HUWE1: variants seen among roughly 807,000 people sequenced by gnomAD.
HUWE1 encodes the protein HECT, UBA and WWE domain containing E3 ubiquitin protein ligase 1.
A neutral mutation model predicts 299.4 loss-of-function variants in HUWE1; 18 were observed. The ratio of observed to expected loss-of-function variants is 0.06; its 90% CI spans 0.04 to 0.09. The LOEUF (loss-of-function observed/expected upper bound fraction) is 0.09, where lower values mean the gene tolerates loss of function less well. HUWE1 is among the 10% of genes least tolerant of loss of function. HUWE1 has a pLI of 1.00. For synonymous variants in HUWE1, 1,317 were observed against 1,286.1 expected (o/e 1.02, Z -0.51); for missense variants, 1,832 against 3,462.3 (o/e 0.53, Z 11.82).
rs375537248 is a variant in HUWE1, at chrX:53,583,912, G to A, written c.5166C>T (p.Thr1722=). 5 of 1,178,699 alleles carry A rather than the reference G, an allele frequency of 4.2e-6. No individual in the cohort carries two copies. Among genetic ancestry groups the A allele is most frequent in the Non-Finnish European group, 5.8e-6 (5 of 867,476 alleles). ...TGTTTGTACTCTCTAGGGCCAAAGGGGTATCTATAAAATGGGAAAATAACA... is the reference window on the plus strand; with the variant it reads ...TGTTTGTACTCTCTAGGGCCAAAGGAGTATCTATAAAATGGGAAAATAACA... ...IKRKENKGND[T]PLALESTNTE... The change falls in exon 42 of 84, where the codon ACC becomes ACT. Residue 1722 remains threonine (T), a synonymous_variant. Coordinates refer to ENST00000262854, the MANE Select transcript of HUWE1 (RefSeq NM_031407.7).
chrX:53,664,963 TA>T lies in HUWE1; in HGVS notation c.-24-10833del, dbSNP rs2069176240. Among the ~76,000 whole-genome samples, 2 of 112,006 alleles carry T rather than the reference TA, an allele frequency of 1.8e-5. 1 individual carries two copies. The highest frequency in any genetic ancestry group is 6.5e-5 in the African/African-American group (2 of 30,769). On this transcript the variant is annotated intron_variant, in intron 3 of 83. Coordinates refer to ENST00000262854, the MANE Select transcript of HUWE1 (RefSeq NM_031407.7). ...ATATTGTGAAAAACATTTATGATCA[TA>T]AAAAAATAGCTAACACTTACTCTAT...
At chrX:53,618,109 A>G (rs1557009147) in intron 19 of HUWE1, among the ~76,000 whole-genome samples, 1 of 112,285 alleles carries the variant, frequency 8.9e-6, no homozygotes, top group African/African-American at 3.2e-5. Context: ...AGGAAATAGT[A>G]CAGCATTAAA....
intron 25 of HUWE1, among the ~76,000 whole-genome samples, chrX:53,605,371 T>A (rs782084469): frequency 8.9e-6 from 1 of 112,121 alleles, no homozygotes; most frequent in South Asian, 3.7e-4. Flanking sequence ...ATAGGAGAAA[T>A]CATGTGCCTT....
At chrX:53,590,252 T>C in intron 35 of HUWE1, 152 bp downstream of exon 35, 2 of 521,629 alleles carry the variant, frequency 3.8e-6, no homozygotes, top group Non-Finnish European at 6.9e-6. Flanking sequence ...GGTAGCTCAA[T>C]AATGGATGGC....
chrX:53,679,121 T>TG (rs1485193593), intron 3 of HUWE1, among the ~76,000 whole-genome samples: 1 of 109,600 alleles, frequency 9.1e-6, no homozygotes, highest in Admixed American at 9.7e-5. Flanking sequence ...TCCCCAAATA[T>TG]GGGGGGCGGG....
intron 7 of HUWE1, 63 bp downstream of exon 7, chrX:53,645,248 C>G: frequency 8.2e-6 from 9 of 1,103,650 alleles, no homozygotes; most frequent in Non-Finnish European, 1.1e-5. Flanking sequence ...CCAAGAAACA[C>G]CTGTTGAAAG....
chrX:53,633,898 T>C (rs1557024605), intron 8 of HUWE1, among the ~76,000 whole-genome samples: 1 of 112,195 alleles, frequency 8.9e-6, no homozygotes, highest in Non-Finnish European at 1.9e-5. Context: ...TCTGATACAA[T>C]AGTTCCAGTG....
intron 3 of HUWE1, among the ~76,000 whole-genome samples, chrX:53,667,358 T>C (rs1020822824): frequency 5.4e-5 from 6 of 112,090 alleles, no homozygotes; most frequent in Admixed American, 9.4e-5. Context: ...AGTAAACCCA[T>C]TGTAAACTGG....
At chrX:53,652,097 T>A (rs2068510128) in intron 4 of HUWE1, among the ~76,000 whole-genome samples, 1 of 111,972 alleles carries the variant, frequency 8.9e-6, no homozygotes, top group South Asian at 3.7e-4. Context: ...GTGCTCCCTA[T>A]CAAGGAAATC....
intron 29 of HUWE1, among the ~76,000 whole-genome samples, chrX:53,598,133 C>T (rs1716038261): frequency 9.0e-6 from 1 of 111,692 alleles, no homozygotes; most frequent in Non-Finnish European, 1.9e-5. Flanking sequence ...GAGATGAGTG[C>T]TTCTGAACCG....
At chrX:53,543,625 G>T in intron 73 of HUWE1, 2 of 488,419 alleles carry the variant, frequency 4.1e-6, no homozygotes, top group Non-Finnish European at 6.7e-6. Flanking sequence ...AGCTGGGAGT[G>T]GGGTATGATG....
chrX:53,593,180 A>C (rs1556980933), intron 32 of HUWE1, among the ~76,000 whole-genome samples, 184 bp downstream of exon 32: 1 of 112,585 alleles, frequency 8.9e-6, no homozygotes, highest in East Asian at 2.8e-4. Context: ...TGAAATTTAC[A>C]GCTCAAATGT....
intron 3 of HUWE1, among the ~76,000 whole-genome samples, chrX:53,658,742 T>C (rs1337100965): frequency 1.8e-5 from 2 of 112,358 alleles, no homozygotes; most frequent in African/African-American, 6.5e-5. Flanking sequence ...ATGTAAAATA[T>C]TCTGCTCTGT....
chrX:53,576,893 C>T lies in HUWE1; in HGVS notation c.5884+7G>A. On this transcript the variant is annotated splice_region_variant and intron_variant, in intron 44 of 83. Coordinates refer to ENST00000262854, the MANE Select transcript of HUWE1 (RefSeq NM_031407.7). Reference sequence around the variant, plus strand: ...GCCCAGCCTCCTGAGGTAGGCTAGCCACATACCTTCCTCTGGAGCATGGTA... The same window carrying T: ...GCCCAGCCTCCTGAGGTAGGCTAGCTACATACCTTCCTCTGGAGCATGGTA... The T allele has an allele frequency of 8.3e-7, 1 of 1,210,345 alleles. No individual in the cohort carries two copies. The highest frequency in any genetic ancestry group is 1.1e-6 in the Non-Finnish European group (1 of 894,496).
intron 8 of HUWE1, among the ~76,000 whole-genome samples, chrX:53,632,933 T>G (rs1354811084): frequency 5.3e-5 from 6 of 112,338 alleles, no homozygotes; most frequent in Non-Finnish European, 7.5e-5. Context: ...GGAGAACAAA[T>G]ACCAGGGCCC....
Position 53,539,760 on chromosome X carries a change from C to T in HUWE1, c.11529G>A (p.Glu3843=), listed in dbSNP as rs143926809. ...TCAGCTGCTCGCTGAGCAGGGGTAA[C>T]TCAGGTGGTCTTTCTTCCTTTTCCT... ...GEKEKEERPP[E]LPLLSEQLSL... Residue 3843 remains glutamate (E), a synonymous_variant, in exon 75 of 84, where the codon GAG becomes GAA. Transcript: ENST00000262854. The T allele has an allele frequency of 5.0e-6, 6 of 1,209,954 alleles. No individual in the cohort carries two copies. The African/African-American group carries it at 8.7e-5, about 18-fold the overall frequency.
Position 53,566,623 on chromosome X carries a change from G to GT in HUWE1, c.6708-1385dup, listed in dbSNP as rs782359489. ...AGGCGTACATGTCCAGCTAATTATT[G>GT]TATTTTTTTGCAGAGACAGGGTCCC... On this transcript the variant is annotated intron_variant, in intron 49 of 83. Transcript: ENST00000262854. Among the ~76,000 whole-genome samples, 413 of 111,175 alleles carry GT rather than the reference G, an allele frequency of 3.7e-3. 3 individuals carry two copies. Among genetic ancestry groups the GT allele is most frequent in the African/African-American group, 0.013 (403 of 30,509 alleles).
chrX:53,544,329 C>A (rs2061468702), intron 72 of HUWE1, among the ~76,000 whole-genome samples: 1 of 111,858 alleles, frequency 8.9e-6, no homozygotes, highest in Admixed American at 9.4e-5. Flanking sequence ...CCCCAACTTC[C>A]CTGCCAGATT....
intron 70 of HUWE1, among the ~76,000 whole-genome samples, chrX:53,545,401 T>C (rs1420519367): frequency 9.0e-6 from 1 of 111,549 alleles, no homozygotes; most frequent in Non-Finnish European, 1.9e-5. Context: ...GAGTTTCATG[T>C]AGAAGAGAAA....
Sources: gnomAD v4.1 joint callset for allele counts (sites outside exome capture counted in the v4.1 genomes callset) on GRCh38, gnomAD v4.1.1 for gene constraint, MANE v1.5 for transcripts, NCBI Gene and HGNC (gene_info 2026-07-23, HGNC 2026-07-21) for gene names.